ATP2C1: variants seen among roughly 807,000 people sequenced by gnomAD.
ATP2C1 encodes calcium-transporting ATPase type 2C member 1.
A neutral mutation model predicts 120.5 loss-of-function variants in ATP2C1; 31 were observed. The observed-to-expected ratio is 0.26, with a 90% CI of 0.19 to 0.35. The LOEUF is 0.35. Ranked by LOEUF, ATP2C1 falls within the 10% of genes least tolerant of loss-of-function variation. ATP2C1 has a pLI of 1.00. For missense variants in ATP2C1, 731 were observed against 1,107.5 expected (o/e 0.66, Z 4.83); for synonymous variants, 351 against 358.7 (o/e 0.98, Z 0.24).
chr3:130,883,611 C>T (rs1027493671), intron 1 of ATP2C1, among the ~76,000 whole-genome samples: 4 of 152,038 alleles, frequency 2.6e-5, no homozygotes, highest in Non-Finnish European at 4.4e-5. Context: ...GCCACGACGC[C>T]CAGCTAACTT....
chr3:130,999,061 C>G (rs540105805), intron 26 of ATP2C1, among the ~76,000 whole-genome samples: 1 of 152,282 alleles, frequency 6.6e-6, no homozygotes, highest in African/African-American at 2.4e-5. Flanking sequence ...CGAATTCTCA[C>G]TAATTGACCA....
chr3:130,928,419 G>A (rs1321878745), intron 2 of ATP2C1: 1 of 152,172 alleles, frequency 6.6e-6, no homozygotes, highest in Non-Finnish European at 1.5e-5. Flanking sequence ...AGGGTTTTAT[G>A]TAAAGTGTGT....
Position 130,894,742 on chromosome 3 carries a change from A to T in ATP2C1, c.-28A>T. ...GGCTGACACTAAAGACTTTGTAGCC[A>T]TCAACCCGAGTGCAGTTTCGATGGA... On this transcript the variant is annotated 5_prime_UTR_variant, in exon 2 of 28. Coordinates refer to ENST00000510168, the MANE Select transcript of ATP2C1 (RefSeq NM_001378687.1). This position sits in a 1 kb window ranked among gnomAD's most constrained non-coding sequence, Gnocchi z 4.5. 3.7e-6 allele frequency: 6 copies of T among 1,614,180 alleles called. No homozygotes were observed. The highest frequency in any genetic ancestry group is 5.1e-6 in the Non-Finnish European group (6 of 1,180,028).
At chr3:130,978,763 A>G (rs1576967983) in intron 18 of ATP2C1, among the ~76,000 whole-genome samples, 1 of 152,220 alleles carries the variant, frequency 6.6e-6, no homozygotes. Flanking sequence ...GCTGTGTATA[A>G]TTAACTAATA....
chr3:130,878,460 A>C (rs2068679004), intron 1 of ATP2C1, among the ~76,000 whole-genome samples: 1 of 151,658 alleles, frequency 6.6e-6, no homozygotes, highest in Admixed American at 6.6e-5. Context: ...TTTCTGTCTT[A>C]TTTTTGTATC....
At chr3:130,917,377 T>A (rs867197385) in intron 2 of ATP2C1, among the ~76,000 whole-genome samples, 2 of 152,222 alleles carry the variant, frequency 1.3e-5, no homozygotes, top group Non-Finnish European at 2.9e-5. Flanking sequence ...TTCTTTTTTT[T>A]AAAAGCAGAT....
chr3:130,915,218 C>A (rs2058629034), intron 2 of ATP2C1, among the ~76,000 whole-genome samples: 1 of 151,918 alleles, frequency 6.6e-6, no homozygotes, highest in Admixed American at 6.6e-5. Context: ...CTCAGCCTCC[C>A]AAGTAGCTAG....
chr3:130,909,288 C>T (rs2058282259), intron 2 of ATP2C1, among the ~76,000 whole-genome samples: 1 of 152,136 alleles, frequency 6.6e-6, no homozygotes, highest in Non-Finnish European at 1.5e-5. Context: ...AGAAATGGCA[C>T]CAACATCTCT....
At chr3:130,993,613 A>G (rs1292188607) in intron 21 of ATP2C1, among the ~76,000 whole-genome samples, 2 of 152,162 alleles carry the variant, frequency 1.3e-5, no homozygotes, top group Non-Finnish European at 2.9e-5. Context: ...CCAAATCCTG[A>G]TAGTCCAAAA....
chr3:130,995,920 C>T, intron 22 of ATP2C1, 123 bp from the exon 23 acceptor site: 2 of 722,716 alleles, frequency 2.8e-6, no homozygotes, highest in South Asian at 1.6e-5. Flanking sequence ...GCTGGGATTA[C>T]AGGCATGAGC....
At chr3:130,921,079 C>CTTTTT (rs1170193033) in intron 2 of ATP2C1, among the ~76,000 whole-genome samples, 257 of 128,512 alleles carry the variant, frequency 2.0e-3, no homozygotes, top group African/African-American at 3.8e-3. Flanking sequence ...AGTTTTCTTT[C>CTTTTT]TTTTTTTTTT....
intron 2 of ATP2C1, among the ~76,000 whole-genome samples, chr3:130,899,216 G>C (rs1559895923): frequency 1.3e-5 from 2 of 152,026 alleles, no homozygotes; most frequent in Non-Finnish European, 2.9e-5. Flanking sequence ...TGGGGGTTGG[G>C]GTGCTGACCC....
rs144864080 is a variant in ATP2C1 at position 130,899,838 on chromosome 3, A to G, written c.6+5063A>G. The stretch of plus-strand genomic sequence containing the variant: ...TGGCCGTAACTGGGTGTCTGATTCA[A>G]TTTCTATCTCTGCTTTTTTTAATTC... On this transcript the variant is annotated intron_variant, in intron 2 of 27. Transcript: ENST00000510168. Among the ~76,000 whole-genome samples the G allele has an allele frequency of 2.0e-3, 300 of 152,162 alleles. 4 individuals carry two copies. The highest frequency in any genetic ancestry group is 6.7e-3 in the African/African-American group (280 of 41,516).
intron 2 of ATP2C1, among the ~76,000 whole-genome samples, chr3:130,910,052 T>C (rs1015535445): frequency 6.6e-6 from 1 of 152,062 alleles, no homozygotes; most frequent in Admixed American, 6.6e-5. Context: ...CGTGTATGCT[T>C]TTGTAAATGT....
intron 17 of ATP2C1, among the ~76,000 whole-genome samples, chr3:130,970,316 G>A (rs1413621788): frequency 6.7e-6 from 1 of 149,856 alleles, no homozygotes; most frequent in Non-Finnish European, 1.5e-5. Flanking sequence ...GCAGTGAGCC[G>A]AGATCACCCC....
intron 11 of ATP2C1, 87 bp from the exon 12 acceptor site, chr3:130,959,188 G>T: frequency 2.1e-6 from 2 of 950,772 alleles, no homozygotes; most frequent in East Asian, 2.6e-5. Flanking sequence ...TTTTTGTCAA[G>T]GGACGTTTTA....
At chr3:130,974,929 A>G (rs1374650787) in intron 17 of ATP2C1, among the ~76,000 whole-genome samples, 1 of 152,242 alleles carries the variant, frequency 6.6e-6, no homozygotes, top group Non-Finnish European at 1.5e-5. Flanking sequence ...GATAATACCC[A>G]TAAATACAGT....
chr3:130,958,815 T>C (rs1485385495), intron 11 of ATP2C1, among the ~76,000 whole-genome samples: 2 of 152,190 alleles, frequency 1.3e-5, no homozygotes, highest in Non-Finnish European at 2.9e-5. Context: ...CCTTTGTGTG[T>C]AGTATGGATT....
intron 10 of ATP2C1, among the ~76,000 whole-genome samples, chr3:130,955,433 A>G (rs369806821): frequency 7.9e-5 from 12 of 152,326 alleles, no homozygotes; most frequent in East Asian, 1.9e-4. Flanking sequence ...AATTTTTTCA[A>G]CTTCACATAA....
Sources: gnomAD v4.1 joint callset for allele counts (sites outside exome capture counted in the v4.1 genomes callset) on GRCh38, gnomAD v4.1.1 for gene constraint, Gnocchi (gnomAD v3.1) non-coding constraint, MANE v1.5 for transcripts, NCBI Gene and HGNC (gene_info 2026-07-23, HGNC 2026-07-21) for gene names.